The following NEURL1 variants were observed in gnomAD, a reference collection of about 807,000 sequenced individuals.
NEURL1 encodes the protein neuralized E3 ubiquitin protein ligase 1, also known as E3 ubiquitin-protein ligase NEURL1.
Under a neutral mutation model 41.2 loss-of-function variants are expected in NEURL1, and 26 were observed. That is an observed-to-expected ratio of 0.63 (90% CI 0.46 to 0.87). The LOEUF is 0.87. NEURL1 is among the 40% of genes least tolerant of loss of function. The pLI, the probability that NEURL1 is intolerant of heterozygous loss-of-function variation, is 0.00. For missense variants in NEURL1, 761 were observed against 871.1 expected (o/e 0.87, Z 1.59); for synonymous variants, 400 against 402.3 (o/e 0.99, Z 0.07).
intron 1 of NEURL1, among the ~76,000 whole-genome samples, chr10:103,550,324 C>CCA (rs2035009336): frequency 6.6e-6 from 1 of 152,118 alleles, no homozygotes; most frequent in Non-Finnish European, 1.5e-5. Flanking sequence ...GTGGGGAGGG[C>CCA]CTTGGGAGCT....
chr10:103,513,511 C>T (rs552822189), intron 1 of NEURL1, among the ~76,000 whole-genome samples: 1 of 152,262 alleles, frequency 6.6e-6, no homozygotes, highest in African/African-American at 2.4e-5. Flanking sequence ...ATACCTCAGC[C>T]CCTGCCAGGT....
At chr10:103,516,438 G>A (rs1322003608) in intron 1 of NEURL1, among the ~76,000 whole-genome samples, 1 of 151,264 alleles carries the variant, frequency 6.6e-6, no homozygotes, top group East Asian at 1.9e-4. Flanking sequence ...TTTGGCCAGG[G>A]TGTGTCAGAA....
chr10:103,562,299 C>T (rs1158547943), intron 1 of NEURL1, among the ~76,000 whole-genome samples: 4 of 152,244 alleles, frequency 2.6e-5, no homozygotes, highest in Non-Finnish European at 4.4e-5. Context: ...AGGAGAATCA[C>T]TTGAACCTGG....
Position 103,533,622 on chromosome 10 carries a change from T to C in NEURL1, c.86-37250T>C, listed in dbSNP as rs532120824. On this transcript the variant is annotated intron_variant, in intron 1 of 5. Transcript: ENST00000369780. ...CGCGATCTTGGCTCACTGCAAGCTC[T>C]GCCTCCTGGGTTCACACCATTCTCC... Among the ~76,000 whole-genome samples the C allele has an allele frequency of 7.9e-5, 12 of 152,210 alleles. No individual in the cohort carries two copies. In the South Asian group the frequency reaches 1.7e-3, roughly 21 times the overall value.
intron 1 of NEURL1, among the ~76,000 whole-genome samples, chr10:103,562,124 C>T (rs60848348): frequency 0.2 from 30,557 of 152,218 alleles, 3,279 homozygotes; most frequent in South Asian, 0.32. Flanking sequence ...ATGGCTTACG[C>T]CTGTAATCCC....
chr10:103,534,500 C>T (rs1418259679), intron 1 of NEURL1, among the ~76,000 whole-genome samples: 3 of 151,858 alleles, frequency 2.0e-5, no homozygotes, highest in South Asian at 2.1e-4. Flanking sequence ...ATGGTATAGT[C>T]TCTATGCAGC....
chr10:103,581,112 G>T (rs2035776014), intron 3 of NEURL1, among the ~76,000 whole-genome samples: 1 of 152,156 alleles, frequency 6.6e-6, no homozygotes, highest in African/African-American at 2.4e-5. Context: ...GGGTGCTGGG[G>T]GTGGTCCCAC....
At chr10:103,527,078 G>C (rs1471234234) in intron 1 of NEURL1, among the ~76,000 whole-genome samples, 2 of 152,162 alleles carry the variant, frequency 1.3e-5, no homozygotes, top group Middle Eastern at 3.4e-3. Flanking sequence ...TGGATTATTC[G>C]AGTTTTCCAG....
chr10:103,497,016 C>T (rs2986044), intron 1 of NEURL1, among the ~76,000 whole-genome samples: 121,023 of 152,018 alleles, frequency 0.8, 48,404 homozygotes, highest in East Asian at 1. Context: ...TTGATCCCGC[C>T]CCTACTAAGC....
chr10:103,496,018 G>A (rs1398969253), intron 1 of NEURL1, among the ~76,000 whole-genome samples: 1 of 152,002 alleles, frequency 6.6e-6, no homozygotes, highest in African/African-American at 2.4e-5. Flanking sequence ...AGATAGGCAG[G>A]AGAATCCCTT....
At chr10:103,513,184 C>T (rs1056605869) in intron 1 of NEURL1, among the ~76,000 whole-genome samples, 9 of 152,166 alleles carry the variant, frequency 5.9e-5, no homozygotes, top group African/African-American at 1.9e-4. Context: ...CTGAGCCTCT[C>T]GGGAGGCCTC....
intron 1 of NEURL1, among the ~76,000 whole-genome samples, chr10:103,515,753 T>C (rs2034190293): frequency 1.3e-5 from 2 of 152,192 alleles, no homozygotes; most frequent in Non-Finnish European, 1.5e-5. Flanking sequence ...TAGGAGCTAT[T>C]GAAAGTTTTA....
At chr10:103,564,488 C>T (rs1263760184) in intron 1 of NEURL1, among the ~76,000 whole-genome samples, 1 of 152,184 alleles carries the variant, frequency 6.6e-6, no homozygotes, top group Non-Finnish European at 1.5e-5. Context: ...CCTGGGCTGC[C>T]CAGCCCCTCC....
chr10:103,509,220 G>A (rs2034015190), intron 1 of NEURL1, among the ~76,000 whole-genome samples: 1 of 138,784 alleles, frequency 7.2e-6, no homozygotes, highest in Non-Finnish European at 1.5e-5. Flanking sequence ...GGGTGACAGA[G>A]CAAGACTCTG....
chr10:103,513,673 G>A (rs2034128432), intron 1 of NEURL1, among the ~76,000 whole-genome samples: 1 of 152,096 alleles, frequency 6.6e-6, no homozygotes, highest in Admixed American at 6.5e-5. Context: ...GTTGAAGCAG[G>A]TGGAGGTCTA....
rs1334752438 is a variant in NEURL1 at position 103,556,236 on chromosome 10, C to G, written c.86-14636C>G. 6.6e-6 allele frequency among the ~76,000 whole-genome samples: 1 copy of G among 152,238 alleles called. No homozygotes were observed. Among genetic ancestry groups the G allele is most frequent in the East Asian group, 1.9e-4 (1 of 5,198 alleles). On this transcript the variant is annotated intron_variant, in intron 1 of 5. Coordinates refer to ENST00000369780, the MANE Select transcript of NEURL1 (RefSeq NM_004210.5). The surrounding 1 kb of genome is among the most constrained non-coding windows in gnomAD (Gnocchi z 4.4). ...ACCCTGTCCTCTTGTTCCCCTAGCT[C>G]TAGTACTGTGGTCTTGGGAGCGCCA...
intron 1 of NEURL1, among the ~76,000 whole-genome samples, chr10:103,497,785 CT>C (rs139288678): frequency 0.036 from 5,417 of 151,230 alleles, 84 homozygotes; most frequent in Non-Finnish European, 0.045. Context: ...TAAGACACCC[CT>C]GGGCTTTCCC....
intron 1 of NEURL1, among the ~76,000 whole-genome samples, chr10:103,565,497 G>T (rs1433716315): frequency 6.6e-6 from 1 of 152,212 alleles, no homozygotes; most frequent in Non-Finnish European, 1.5e-5. Flanking sequence ...TAGGGTGACA[G>T]GCCCAACTAA....
chr10:103,525,748 C>A (rs1331602754), intron 1 of NEURL1, among the ~76,000 whole-genome samples: 2 of 152,068 alleles, frequency 1.3e-5, no homozygotes, highest in Non-Finnish European at 2.9e-5. Context: ...TTTTTCTCTT[C>A]CTTAATTGCT....
Sources: allele counts gnomAD v4.1 joint callset (sites outside exome capture counted in the v4.1 genomes callset), GRCh38; gene constraint gnomAD v4.1.1; non-coding constraint Gnocchi (gnomAD v3.1); transcripts MANE v1.5; gene names NCBI Gene and HGNC (gene_info 2026-07-23, HGNC 2026-07-21).